The following TRIM38 variants were observed in gnomAD, a reference collection of about 807,000 sequenced individuals.
The protein encoded by TRIM38 is E3 ubiquitin-protein ligase TRIM38.
In TRIM38, 35 loss-of-function variants were observed where a neutral mutation model predicts 35.8. The ratio of observed to expected loss-of-function variants is 0.98; its 90% CI spans 0.75 to 1.30. The LOEUF (loss-of-function observed/expected upper bound fraction) is 1.30. TRIM38 is among the 50% of genes most tolerant of loss of function. The probability of loss-of-function intolerance (pLI) is 0.00; values close to 1 mark genes in which losing one functional copy is unlikely to be tolerated. For synonymous variants in TRIM38, 198 were observed against 204.7 expected (o/e 0.97, Z 0.28); for missense variants, 545 against 556.9 (o/e 0.98, Z 0.21).
At chr6:25,963,390 C>T (rs1484268226) in intron 2 of TRIM38, 108 bp downstream of exon 2, 17 of 10,250 alleles carry the variant, frequency 1.7e-3, no homozygotes, top group East Asian at 0.013. Flanking sequence ...TGGGGGCGGG[C>T]GGGGGGGAGG....
In TRIM38 at chr6:25,988,575, C is replaced by A. The variant is rs1276074866; in HGVS notation, c.*4888C>A. On this transcript the variant is annotated 3_prime_UTR_variant, in exon 8 of 8. Coordinates refer to ENST00000357085, the MANE Select transcript of TRIM38 (RefSeq NM_006355.5). ...GTGCAGTGGCACTGGCTCACTGCAA[C>A]CTCCATCTCCCAGGTTCAAACGATT... The A allele has an allele frequency of 7.4e-6, 1 of 134,854 alleles. No individual in the cohort carries two copies. The highest frequency in any genetic ancestry group is 1.5e-5 in the Non-Finnish European group (1 of 65,552). 8.4% of individuals were successfully genotyped at this position (134,854 alleles called of 1,614,324 possible).
In TRIM38 at chr6:25,983,266, C is replaced by T. The variant is rs767432453; in HGVS notation, c.977C>T (p.Ser326Phe). 1 of 1,614,174 alleles carries T rather than the reference C, an allele frequency of 6.2e-7. No individual in the cohort carries two copies. The highest frequency in any genetic ancestry group is 1.1e-5 in the South Asian group (1 of 91,086). The change falls in exon 8 of 8, where the codon TCT becomes TTT. Residue 326 changes from serine to phenylalanine, a missense_variant. Physicochemically the swap from Ser to Phe is radical, Grantham distance 155. Coordinates refer to ENST00000357085, the MANE Select transcript of TRIM38 (RefSeq NM_006355.5). ...TACACCCAGGAGAATCAGGACACATCTTCCAGGAGATTTACTGCCTTCCCC... is the reference window on the plus strand; with the variant it reads ...TACACCCAGGAGAATCAGGACACATTTTCCAGGAGATTTACTGCCTTCCCC... Reference protein sequence around the residue: ...RGYTQENQDTSSRRFTAFPCV... With the variant: ...RGYTQENQDTFSRRFTAFPCV...
chr6:25,967,056 C>T, intron 3 of TRIM38, 123 bp downstream of exon 3: 1 of 1,080,114 alleles, frequency 9.3e-7, no homozygotes, highest in South Asian at 1.8e-5. Context: ...TCATGTCATT[C>T]TTCTGAAAAA....
chr6:25,973,110 G>T, intron 6 of TRIM38, 34 bp downstream of exon 6: 2 of 1,614,120 alleles, frequency 1.2e-6, no homozygotes, highest in Non-Finnish European at 1.7e-6. Context: ...GGGGAGGGGT[G>T]TGCGTATATA....
At chr6:25,970,627 C>T (rs1335913286) in intron 4 of TRIM38, among the ~76,000 whole-genome samples, 7 of 152,094 alleles carry the variant, frequency 4.6e-5, no homozygotes, top group African/African-American at 9.7e-5. Flanking sequence ...TATGAAAACC[C>T]GTCTATACAA....
intron 7 of TRIM38, 140 bp from the exon 8 acceptor site, chr6:25,983,024 G>A: frequency 2.7e-6 from 2 of 730,732 alleles, no homozygotes; most frequent in Non-Finnish European, 2.1e-6. Flanking sequence ...AGGAGGTGGA[G>A]GTTGCAGTGA....
chr6:25,971,639 C>T (rs751670571), intron 4 of TRIM38, among the ~76,000 whole-genome samples: 10 of 152,168 alleles, frequency 6.6e-5, no homozygotes, highest in Non-Finnish European at 1.5e-4. Flanking sequence ...TTGCCAACAC[C>T]TTGTAACCAC....
intron 7 of TRIM38, among the ~76,000 whole-genome samples, chr6:25,979,641 CTT>C (rs954205576): frequency 6.6e-6 from 1 of 150,572 alleles, no homozygotes; most frequent in Non-Finnish European, 1.5e-5. Flanking sequence ...AAGAAGCTAC[CTT>C]TTTTTTTGTT....
At chr6:25,975,753 C>T in intron 7 of TRIM38, 1 of 903,214 alleles carries the variant, frequency 1.1e-6, no homozygotes. Context: ...TTACTCGTTA[C>T]TTTTTATGTC....
chr6:25,981,887 C>A (rs972513220), intron 7 of TRIM38, among the ~76,000 whole-genome samples: 5 of 152,168 alleles, frequency 3.3e-5, no homozygotes, highest in African/African-American at 1.2e-4. Context: ...GGATGGTAAC[C>A]ATATTAACAG....
chr6:25,967,306 C>T (rs1274836004), intron 3 of TRIM38, among the ~76,000 whole-genome samples: 1 of 152,064 alleles, frequency 6.6e-6, no homozygotes, highest in African/African-American at 2.4e-5. Flanking sequence ...AGACCCATCA[C>T]CTTTTAGGTA....
chr6:25,973,257 T>C lies in TRIM38; in HGVS notation c.846T>C (p.Asp282=), dbSNP rs1760295055. 1.2e-6 allele frequency: 2 copies of C among 1,613,974 alleles called. No individual in the cohort carries two copies. Among genetic ancestry groups the C allele is most frequent in the Non-Finnish European group, 1.7e-6 (2 of 1,180,024 alleles). Residue 282 remains aspartate (D), a synonymous_variant, in exon 7 of 8, where the codon GAT becomes GAC. Coordinates refer to ENST00000357085, the MANE Select transcript of TRIM38 (RefSeq NM_006355.5). The part of the protein sequence containing the change: ...TMCNVSKLYF[D]VKKMLRSHQV... The stretch of plus-strand genomic sequence containing the variant: ...GCAATGTTTCCAAGCTTTACTTCGA[T>C]GTGAAGAAAATGTTAAGGAGTCATC...
In TRIM38 at chr6:25,966,630, C is replaced by T. The variant is rs776018434; in HGVS notation, c.108C>T (p.Cys36=). The change falls in exon 3 of 8, where the codon TGC becomes TGT. Residue 36 remains cysteine, a synonymous_variant. Transcript: ENST00000357085. ...PVSINCGHSY[C]HLCITDFFKN... is the part of the protein sequence containing the mutation. ...GCATCAACTGTGGACACAGCTACTG[C>T]CACTTGTGTATAACAGACTTCTTTA... is the stretch of plus-strand genomic sequence containing the variant. 1.6e-5 allele frequency: 26 copies of T among 1,614,070 alleles called. No individual in the cohort carries two copies. Among genetic ancestry groups the T allele is most frequent in the Non-Finnish European group, 2.1e-5 (25 of 1,180,038 alleles).
chr6:25,973,543 TC>T, intron 7 of TRIM38: 2 of 979,898 alleles, frequency 2.0e-6, no homozygotes, highest in Non-Finnish European at 2.4e-6. Context: ...TGACTTGGTT[TC>T]CCCCTCTGAA....
At chr6:25,969,612 A>G (rs1581599883) in intron 4 of TRIM38, among the ~76,000 whole-genome samples, 192 bp downstream of exon 4, 2 of 152,186 alleles carry the variant, frequency 1.3e-5, no homozygotes, top group African/African-American at 2.4e-5. Flanking sequence ...TTTAGCACCA[A>G]TCTTTCCATC....
At position 25,987,201 on chromosome 6, in the gene TRIM38, T is replaced by A. The variant is rs1333522466; in HGVS notation, c.*3514T>A. On this transcript the variant is annotated 3_prime_UTR_variant, in exon 8 of 8. Coordinates refer to ENST00000357085, the MANE Select transcript of TRIM38 (RefSeq NM_006355.5). Reference sequence around the variant, plus strand: ...TGATATAAAAGCTTAACAAAGGTACTCCCCGCCCCCCGCCCGCCACACACC... The same window carrying A: ...TGATATAAAAGCTTAACAAAGGTACACCCCGCCCCCCGCCCGCCACACACC... 1 of 68,888 alleles carries A rather than the reference T, an allele frequency of 1.5e-5. No homozygotes were observed. Among genetic ancestry groups the A allele is most frequent in the African/African-American group, 5.5e-5 (1 of 18,086 alleles). The allele number at this position is 68,888 out of a possible 1,614,324, so 4.3% of individuals were successfully genotyped here.
At chr6:25,967,958 T>C (rs1393810681) in intron 3 of TRIM38, among the ~76,000 whole-genome samples, 39 of 152,094 alleles carry the variant, frequency 2.6e-4, no homozygotes, top group Admixed American at 2.5e-3. Context: ...AAATGCTTGG[T>C]TGTGGAAGGT....
rs1286829197 is a variant in TRIM38, at chr6:25,987,604, T to C, written c.*3917T>C. ...GGGAAACACAAACATTTACTTCAAC[T>C]GTAACTATTGAAGCAAAAATGTCCC... On this transcript the variant is annotated 3_prime_UTR_variant, in exon 8 of 8. Coordinates refer to ENST00000357085, the MANE Select transcript of TRIM38 (RefSeq NM_006355.5). The C allele has an allele frequency of 1.2e-4, 19 of 152,202 alleles. No homozygotes were observed. The highest frequency in any genetic ancestry group is 1.2e-3 in the Admixed American group (19 of 15,286). The allele number at this position is 152,202 out of a possible 1,614,324, so 9.4% of individuals were successfully genotyped here.
At chr6:25,966,995 G>C in intron 3 of TRIM38, 62 bp downstream of exon 3, 1 of 1,491,530 alleles carries the variant, frequency 6.7e-7, no homozygotes, top group Non-Finnish European at 9.0e-7. Flanking sequence ...CCCAGGAGCT[G>C]AGATGATTTA....
Sources: allele counts gnomAD v4.1 joint callset (sites outside exome capture counted in the v4.1 genomes callset), GRCh38; gene constraint gnomAD v4.1.1; transcripts MANE v1.5; gene names NCBI Gene and HGNC (gene_info 2026-07-23, HGNC 2026-07-21).